Variants in SPATA17 observed in about 807,000 individuals in gnomAD.
SPATA17 encodes spermatogenesis-associated protein 17.
SPATA17 carries 53 observed loss-of-function variants against 62.2 expected under a neutral mutation model. That is an observed-to-expected ratio of 0.85 (90% CI 0.68 to 1.07). The LOEUF is 1.07. Ranked by LOEUF, SPATA17 falls within the 50% of genes least tolerant of loss-of-function variation. The pLI is 0.00. For missense variants in SPATA17, 466 were observed against 425.5 expected (o/e 1.10, Z -0.84); for synonymous variants, 146 against 146.8 (o/e 0.99, Z 0.04).
intron 9 of SPATA17, chr1:217,850,578 G>A: frequency 1.3e-6 from 2 of 1,596,230 alleles, no homozygotes; most frequent in Non-Finnish European, 1.7e-6. Context: ...GGTGTCACTG[G>A]GCTCCACTTC....
chr1:217,798,815 TTGACC>T (rs57963273), intron 8 of SPATA17, among the ~76,000 whole-genome samples: 62,720 of 151,122 alleles, frequency 0.42, 13,286 homozygotes, highest in East Asian at 0.62. Context: ...CTGCTGAAAC[TTGACC>T]TGTACTGATA....
chr1:217,823,820 G>A (rs1027561857), intron 9 of SPATA17, among the ~76,000 whole-genome samples: 1 of 151,754 alleles, frequency 6.6e-6, no homozygotes, highest in South Asian at 2.1e-4. Context: ...TTTTTTGATG[G>A]TCATATCATT....
chr1:217,635,892 C>T (rs758790005), intron 1 of SPATA17, among the ~76,000 whole-genome samples: 3 of 151,796 alleles, frequency 2.0e-5, no homozygotes, highest in South Asian at 2.1e-4. Context: ...CCCAGCACTT[C>T]GGGAGGCCAA....
chr1:217,850,522 G>C, intron 9 of SPATA17: 1 of 1,573,418 alleles, frequency 6.4e-7, no homozygotes, highest in Non-Finnish European at 8.7e-7. Flanking sequence ...TGCTGGTCGG[G>C]GAGGATGCCT....
At chr1:217,662,194 C>A (rs1048988434) in intron 3 of SPATA17, among the ~76,000 whole-genome samples, 2 of 152,016 alleles carry the variant, frequency 1.3e-5, no homozygotes, top group African/African-American at 4.8e-5. Flanking sequence ...TGTTTAATAT[C>A]AGATGTGCTA....
chr1:217,687,462 G>C (rs1465980067), intron 5 of SPATA17, among the ~76,000 whole-genome samples: 1 of 152,074 alleles, frequency 6.6e-6, no homozygotes, highest in African/African-American at 2.4e-5. Context: ...TGATGTTTTG[G>C]TCAATGACGT....
At chr1:217,645,525 A>G (rs1369941794) in intron 1 of SPATA17, among the ~76,000 whole-genome samples, 1 of 152,188 alleles carries the variant, frequency 6.6e-6, no homozygotes, top group Non-Finnish European at 1.5e-5. Flanking sequence ...TAAATGGACT[A>G]TATTAAGAAG....
At chr1:217,788,736 C>G (rs1480311728) in intron 8 of SPATA17, among the ~76,000 whole-genome samples, 1 of 152,086 alleles carries the variant, frequency 6.6e-6, no homozygotes, top group African/African-American at 2.4e-5. Context: ...CTAGAAGGAA[C>G]GAAGTCCTGC....
intron 5 of SPATA17, among the ~76,000 whole-genome samples, chr1:217,689,139 C>T (rs536477202): frequency 4.0e-5 from 6 of 151,068 alleles, no homozygotes; most frequent in East Asian, 1.9e-4. Flanking sequence ...ACGGTAGATT[C>T]GAGCTAGCCT....
At chr1:217,783,024 A>G (rs1673768552) in intron 8 of SPATA17, among the ~76,000 whole-genome samples, 1 of 151,366 alleles carries the variant, frequency 6.6e-6, no homozygotes, top group Non-Finnish European at 1.5e-5. Flanking sequence ...CTTATAATGT[A>G]TTTTAATATT....
chr1:217,775,039 A>G (rs1673554020), intron 7 of SPATA17, among the ~76,000 whole-genome samples: 1 of 152,138 alleles, frequency 6.6e-6, no homozygotes, highest in African/African-American at 2.4e-5. Flanking sequence ...ATTATATGGT[A>G]ATTATATTTT....
intron 6 of SPATA17, among the ~76,000 whole-genome samples, chr1:217,748,903 G>A (rs1672832193): frequency 6.6e-6 from 1 of 152,122 alleles, no homozygotes; most frequent in African/African-American, 2.4e-5. Flanking sequence ...AAAAATGGCA[G>A]CCTTACCGTG....
chr1:217,739,882 T>C (rs1478173148), intron 5 of SPATA17, among the ~76,000 whole-genome samples: 1 of 152,146 alleles, frequency 6.6e-6, no homozygotes, highest in African/African-American at 2.4e-5. Flanking sequence ...ATTGGATGAA[T>C]TTATTAAATT....
intron 9 of SPATA17, among the ~76,000 whole-genome samples, chr1:217,804,057 C>G (rs141301888): frequency 2.3e-4 from 35 of 151,712 alleles, no homozygotes; most frequent in African/African-American, 7.5e-4. Context: ...AAAAAACAAT[C>G]CTAAAATTCC....
At chr1:217,658,036 A>T (rs1670480862) in intron 3 of SPATA17, among the ~76,000 whole-genome samples, 1 of 152,168 alleles carries the variant, frequency 6.6e-6, no homozygotes, top group Admixed American at 6.5e-5. Context: ...TATGAGGAAA[A>T]CTGCCCCCAT....
At chr1:217,685,029 T>C (rs1376484213) in intron 5 of SPATA17, among the ~76,000 whole-genome samples, 1 of 152,142 alleles carries the variant, frequency 6.6e-6, no homozygotes, top group Non-Finnish European at 1.5e-5. Context: ...GACTGCTGTT[T>C]AATTTCTTCT....
intron 9 of SPATA17, among the ~76,000 whole-genome samples, chr1:217,854,041 T>C (rs1346199780): frequency 6.6e-6 from 1 of 152,074 alleles, no homozygotes; most frequent in Non-Finnish European, 1.5e-5. Flanking sequence ...AGAACAAATT[T>C]ATAGGCAAAA....
At chr1:217,759,465 A>G (rs1193243940) in intron 6 of SPATA17, among the ~76,000 whole-genome samples, 1 of 152,178 alleles carries the variant, frequency 6.6e-6, no homozygotes, top group Admixed American at 6.5e-5. Context: ...CCTTAAAAAA[A>G]AAAGGAAAAA....
At chr1:217,776,881 G>A (rs188124099) in intron 7 of SPATA17, among the ~76,000 whole-genome samples, 1 of 152,156 alleles carries the variant, frequency 6.6e-6, no homozygotes, top group East Asian at 1.9e-4. Context: ...CCCTCTGGGT[G>A]AGTGATCCTA....
Sources: gnomAD v4.1 joint callset for allele counts (sites outside exome capture counted in the v4.1 genomes callset) on GRCh38, gnomAD v4.1.1 for gene constraint, MANE v1.5 for transcripts, NCBI Gene and HGNC (gene_info 2026-07-23, HGNC 2026-07-21) for gene names.